Variants in SLC19A3 observed in about 807,000 individuals in gnomAD.
The protein encoded by SLC19A3 is solute carrier family 19 member 3, also known as thiamine transporter 2.
SLC19A3 carries 31 observed loss-of-function variants against 40.2 expected under a neutral mutation model. The ratio of observed to expected loss-of-function variants is 0.77; its 90% confidence interval spans 0.58 to 1.04. SLC19A3 has a LOEUF of 1.04. Ranked by LOEUF, SLC19A3 falls within the 50% of genes least tolerant of loss-of-function variation. The pLI is 0.00. For synonymous variants in SLC19A3, 212 were observed against 227.5 expected (o/e 0.93, Z 0.61); for missense variants, 592 against 596.7 (o/e 0.99, Z 0.08).
chr2:227,698,867 AGAG>A lies in SLC19A3; in HGVS notation c.845_847del (p.Ser282del), dbSNP rs1227016755. The stretch of plus-strand genomic sequence containing the variant: ...ACCTGCTGTGGCGAAAGCCCACCAT[AGAG>A]ACCAGTAGAAAAGACGTTTTGAGGA... On this transcript the variant is annotated inframe_deletion, in exon 3 of 6. Transcript: ENST00000644224. 6.2e-7 allele frequency: 1 copy of A among 1,614,162 alleles called. No individual in the cohort carries two copies.
chr2:227,693,283 AC>A (rs1695301977), intron 4 of SLC19A3, among the ~76,000 whole-genome samples: 4 of 152,122 alleles, frequency 2.6e-5, no homozygotes, highest in African/African-American at 9.7e-5. Flanking sequence ...AACAACAACA[AC>A]AACAACAAAA....
intron 3 of SLC19A3, 81 bp downstream of exon 3, chr2:227,698,655 G>T: frequency 9.1e-6 from 11 of 1,214,816 alleles, no homozygotes; most frequent in South Asian, 1.2e-5. Context: ...GAGCTAATTC[G>T]CTGCCATGAA....
intron 3 of SLC19A3, among the ~76,000 whole-genome samples, chr2:227,696,953 T>C (rs1695462458): frequency 6.6e-6 from 1 of 152,104 alleles, no homozygotes; most frequent in Non-Finnish European, 1.5e-5. Context: ...CAATCCCAGC[T>C]ACTCAGGAGG....
At position 227,684,162 on chromosome 2, in the gene SLC19A3, T is replaced by C. The variant is rs951691705; in HGVS notation, c.*3235A>G. ...CCAATACAGATATTTTTGTCCTTTT[T>C]ATACAAATGCTGAGTTGCTGCGTTC... On this transcript the variant is annotated 3_prime_UTR_variant, in exon 6 of 6. Coordinates refer to ENST00000644224, the MANE Select transcript of SLC19A3 (RefSeq NM_025243.4). 6 of 152,228 alleles carry C rather than the reference T, an allele frequency of 3.9e-5. No homozygotes were observed. The South Asian group carries it at 6.2e-4, about 16-fold the overall frequency. 9.4% of individuals were successfully genotyped at this position (152,228 alleles called of 1,614,324 possible).
At chr2:227,687,720 C>G in intron 5 of SLC19A3, 147 bp from the exon 6 acceptor site, 1 of 744,904 alleles carries the variant, frequency 1.3e-6, no homozygotes, top group Non-Finnish European at 2.2e-6. Context: ...ACAATACTCT[C>G]CTATCAAGTA....
chr2:227,695,888 C>A lies in SLC19A3; in HGVS notation c.1172+1G>T. The A allele has an allele frequency of 6.2e-7, 1 of 1,613,810 alleles. No homozygotes were observed. Among genetic ancestry groups the A allele is most frequent in the Non-Finnish European group, 8.5e-7 (1 of 1,179,946 alleles). ...TTTTAGGAGTGGTTGGTAAAACTTA[C>A]ACTGCTATGGTTATAAGAAGCATAT... On this transcript the variant is annotated splice_donor_variant, in intron 4 of 5. Transcript: ENST00000644224. LOFTEE classifies it high-confidence loss of function.
Position 227,701,116 on chromosome 2 carries a change from A to C in SLC19A3, c.150+1053T>G, listed in dbSNP as rs142333294. The C allele has an allele frequency of 7.5e-4, 961 of 1,281,174 alleles. 3 individuals carry two copies. The African/African-American group carries it at 0.014, about 18-fold the overall frequency. The allele number at this position is 1,281,174 out of a possible 1,614,324, so 79.4% of individuals were successfully genotyped here. A position where few individuals can be genotyped will look rare whatever the true frequency, so the allele number is the denominator to read the frequency against. On this transcript the variant is annotated intron_variant, in intron 2 of 5. Coordinates refer to ENST00000644224, the MANE Select transcript of SLC19A3 (RefSeq NM_025243.4). ...ATTGTGGCATGCTTCAACCTGAGCA[A>C]CTCGGAAACAGGGTTGTCCCTAAGT...
chr2:227,704,012 T>C (rs1695825551), intron 1 of SLC19A3, among the ~76,000 whole-genome samples: 1 of 152,182 alleles, frequency 6.6e-6, no homozygotes, highest in Non-Finnish European at 1.5e-5. Context: ...CATGCCCTAC[T>C]AAAGTACAAG....
chr2:227,684,804 G>A lies in SLC19A3; in HGVS notation c.*2593C>T, dbSNP rs1694955723. The A allele has an allele frequency of 6.6e-6, 1 of 151,756 alleles. No homozygotes were observed. Among genetic ancestry groups the A allele is most frequent in the Middle Eastern group, 3.1e-3 (1 of 318 alleles). 9.4% of individuals were successfully genotyped at this position (151,756 alleles called of 1,614,324 possible). On this transcript the variant is annotated 3_prime_UTR_variant, in exon 6 of 6. Transcript: ENST00000644224. Reference sequence around the variant, plus strand: ...TTGAAACCAGCCTGACCAACATGGTGAAACCCCGTCTCTACTAAATATACA... The same window carrying A: ...TTGAAACCAGCCTGACCAACATGGTAAAACCCCGTCTCTACTAAATATACA...
chr2:227,688,109 G>T (rs1695088574), intron 5 of SLC19A3, 57 bp downstream of exon 5: 3 of 1,585,798 alleles, frequency 1.9e-6, no homozygotes, highest in Non-Finnish European at 1.7e-6. Flanking sequence ...ATTGCTTGTT[G>T]TAAGGTTGAG....
chr2:227,708,873 T>C (rs1206229662), intron 1 of SLC19A3, among the ~76,000 whole-genome samples: 1 of 152,234 alleles, frequency 6.6e-6, no homozygotes, highest in Non-Finnish European at 1.5e-5. Context: ...AGATTGGAAC[T>C]CACATCTCCT....
At chr2:227,712,054 A>C (rs1194146675) in intron 1 of SLC19A3, among the ~76,000 whole-genome samples, 1 of 74,246 alleles carries the variant, frequency 1.3e-5, no homozygotes, top group Non-Finnish European at 3.2e-5. Flanking sequence ...TGTCTCCAAA[A>C]AAAAAAAAAA....
At chr2:227,698,355 G>T (rs112855036) in intron 3 of SLC19A3, among the ~76,000 whole-genome samples, 2 of 151,720 alleles carry the variant, frequency 1.3e-5, no homozygotes, top group Non-Finnish European at 2.9e-5. Flanking sequence ...TAGAGATGGG[G>T]TTTCACCGTG....
chr2:227,690,101 A>G (rs1391837173), intron 4 of SLC19A3, among the ~76,000 whole-genome samples: 1 of 152,224 alleles, frequency 6.6e-6, no homozygotes, highest in Non-Finnish European at 1.5e-5. Flanking sequence ...CTGCAAAACC[A>G]GAAAAGAAAT....
intron 1 of SLC19A3, among the ~76,000 whole-genome samples, chr2:227,705,501 G>A (rs972135461): frequency 1.3e-5 from 2 of 151,986 alleles, no homozygotes; most frequent in African/African-American, 4.8e-5. Context: ...ATTTCTTGGG[G>A]GTATATACCC....
chr2:227,717,408 C>T (rs1696370847), intron 1 of SLC19A3, among the ~76,000 whole-genome samples: 1 of 152,176 alleles, frequency 6.6e-6, no homozygotes, highest in Non-Finnish European at 1.5e-5. Context: ...ATTTGGTAAA[C>T]AGCTGTCACA....
chr2:227,717,663 C>T (rs1363037420), intron 1 of SLC19A3, among the ~76,000 whole-genome samples: 1 of 152,116 alleles, frequency 6.6e-6, no homozygotes, highest in Non-Finnish European at 1.5e-5. Context: ...GGGATGTAAC[C>T]ATAGGAGGTG....
intron 1 of SLC19A3, chr2:227,706,573 C>G (rs951781944): frequency 1.4e-6 from 1 of 707,284 alleles, no homozygotes; most frequent in Non-Finnish European, 1.9e-6. Flanking sequence ...GAGTTCAAGA[C>G]TAGCCTGGCC....
At chr2:227,689,104 G>A (rs1313623932) in intron 4 of SLC19A3, among the ~76,000 whole-genome samples, 1 of 151,856 alleles carries the variant, frequency 6.6e-6, no homozygotes, top group African/African-American at 2.4e-5. Flanking sequence ...AGAAGAATGA[G>A]GCACACCTAC....
Sources: gnomAD v4.1 joint callset for allele counts (sites outside exome capture counted in the v4.1 genomes callset) on GRCh38, gnomAD v4.1.1 for gene constraint, MANE v1.5 for transcripts, NCBI Gene and HGNC (gene_info 2026-07-23, HGNC 2026-07-21) for gene names.